The following SHTN1 variants were observed in gnomAD, a reference collection of about 807,000 sequenced individuals.
SHTN1 encodes the protein shootin 1.
In SHTN1, 42 loss-of-function variants were observed where a neutral mutation model predicts 83.1. The ratio of observed to expected loss-of-function variants is 0.51; its 90% CI spans 0.39 to 0.65. SHTN1 has a LOEUF of 0.65. Ranked by LOEUF, SHTN1 falls within the 30% of genes least tolerant of loss-of-function variation. SHTN1 has a pLI of 0.00. For missense variants in SHTN1, 622 were observed against 737.8 expected, an observed-to-expected ratio of 0.84 and a Z score of 1.82; for synonymous variants, 224 against 247.7, an observed-to-expected ratio of 0.90 and a Z score of 0.90.
At chr10:117,098,277 G>T (rs1365709297) in intron 1 of SHTN1, among the ~76,000 whole-genome samples, 2 of 148,632 alleles carry the variant, frequency 1.3e-5, no homozygotes, top group Admixed American at 1.4e-4. Flanking sequence ...GACGCCTGTT[G>T]TCCCAGCTAC....
chr10:116,971,112 G>A (rs936449058), intron 2 of SHTN1, among the ~76,000 whole-genome samples: 1 of 152,142 alleles, frequency 6.6e-6, no homozygotes, highest in Non-Finnish European at 1.5e-5. Context: ...CCACTGAAAT[G>A]TCATACTGTA....
At chr10:117,022,295 C>A (rs1852274552) in intron 2 of SHTN1, among the ~76,000 whole-genome samples, 1 of 152,202 alleles carries the variant, frequency 6.6e-6, no homozygotes, top group Non-Finnish European at 1.5e-5. Context: ...ACAGTACATG[C>A]AGTGCTAATA....
chr10:117,057,770 C>T (rs529970489), intron 1 of SHTN1, among the ~76,000 whole-genome samples: 2 of 152,266 alleles, frequency 1.3e-5, no homozygotes, highest in African/African-American at 4.8e-5. Flanking sequence ...ACAAAACAAG[C>T]ACAAACACAC....
intron 12 of SHTN1, among the ~76,000 whole-genome samples, chr10:116,921,222 T>C (rs1183674998): frequency 1.3e-5 from 2 of 152,296 alleles, no homozygotes; most frequent in East Asian, 1.9e-4. Context: ...TTTGCCAGTA[T>C]GTCTCTTATT....
chr10:117,086,590 G>A (rs2133616831), intron 1 of SHTN1, among the ~76,000 whole-genome samples: 1 of 152,018 alleles, frequency 6.6e-6, no homozygotes, highest in East Asian at 1.9e-4. Context: ...CCTTCTCTTA[G>A]CATATCATTT....
At chr10:116,926,417 C>A (rs1256778831) in intron 11 of SHTN1, among the ~76,000 whole-genome samples, 1 of 152,032 alleles carries the variant, frequency 6.6e-6, no homozygotes, top group Non-Finnish European at 1.5e-5. Context: ...ATTTAGCTAC[C>A]CAGGAGAGAA....
chr10:116,948,365 C>T (rs747801412), intron 7 of SHTN1, among the ~76,000 whole-genome samples: 1 of 152,158 alleles, frequency 6.6e-6, no homozygotes, highest in Non-Finnish European at 1.5e-5. Context: ...TTTAAATGAT[C>T]ATCAATCTCT....
At chr10:116,968,771 GGCAA>G in intron 2 of SHTN1, 59 bp from the exon 3 acceptor site, 1 of 1,373,422 alleles carries the variant, frequency 7.3e-7, no homozygotes, top group Non-Finnish European at 1.0e-6. Flanking sequence ...AGTTTGAAAA[GGCAA>G]GCAAGAGCAA....
In SHTN1 at chr10:116,968,792, AAAC is replaced by A. The variant is rs1389947814; in HGVS notation, c.112-83_112-81del. 6 of 1,035,280 alleles carry A rather than the reference AAAC, an allele frequency of 5.8e-6. 1 individual carries two copies. The East Asian group carries it at 1.2e-4, about 21-fold the overall frequency. 64.1% of individuals were successfully genotyped at this position (1,035,280 alleles called of 1,614,324 possible). A position where few individuals can be genotyped will look rare whatever the true frequency, so the allele number is the denominator to read the frequency against. On this transcript the variant is annotated intron_variant, in intron 2 of 16. Transcript: ENST00000355371. ...AAAAGGCAAGCAAGAGCAAACTTAT[AAAC>A]AACAGCAATTTTCTGAAAACAAAAC... is the stretch of plus-strand genomic sequence containing the variant.
At chr10:117,004,068 G>A (rs573079095) in intron 1 of SHTN1, among the ~76,000 whole-genome samples, 1 of 151,872 alleles carries the variant, frequency 6.6e-6, no homozygotes, top group Non-Finnish European at 1.5e-5. Context: ...TGTATTTTTA[G>A]TAGAGATAGG....
At chr10:116,981,720 T>C (rs1249610878) in intron 1 of SHTN1, among the ~76,000 whole-genome samples, 10 of 152,196 alleles carry the variant, frequency 6.6e-5, no homozygotes, top group Non-Finnish European at 8.8e-5. Context: ...CTATAATTGG[T>C]GACCTACTTT....
At chr10:116,918,112 T>C (rs2133359181) in intron 12 of SHTN1, among the ~76,000 whole-genome samples, 1 of 152,306 alleles carries the variant, frequency 6.6e-6, no homozygotes, top group South Asian at 2.1e-4. Context: ...CAAAAGCATG[T>C]AATCAAGGGG....
intron 1 of SHTN1, among the ~76,000 whole-genome samples, chr10:117,073,039 T>C (rs986693835): frequency 1.3e-4 from 20 of 152,140 alleles, no homozygotes; most frequent in African/African-American, 2.4e-4. Context: ...TCAGGACACA[T>C]TGGACACACT....
In SHTN1 at chr10:116,883,648, A is replaced by C. The variant is rs1045784458; in HGVS notation, c.*2696T>G. 1.3e-5 allele frequency: 2 copies of C among 152,558 alleles called. No individual in the cohort carries two copies. Among genetic ancestry groups the C allele is most frequent in the African/African-American group, 4.8e-5 (2 of 41,450 alleles). The allele number at this position is 152,558 out of a possible 1,614,324, so 9.5% of individuals were successfully genotyped here. A position where few individuals can be genotyped will look rare whatever the true frequency, so the allele number is the denominator to read the frequency against. ...CTGGTCTGGAAAGACAATTAAAAAT[A>C]ATTGTTACCTGTACTACTCCATTTC... On this transcript the variant is annotated 3_prime_UTR_variant, in exon 17 of 17. Transcript: ENST00000355371.
intron 16 of SHTN1, chr10:116,901,458 G>T (rs1280040510): frequency 1.0e-6 from 1 of 985,088 alleles, no homozygotes; most frequent in African/African-American, 1.7e-5. Context: ...ATTTAATCTT[G>T]AAAGACTGAT....
chr10:117,093,199 A>G (rs1853458607), intron 1 of SHTN1, among the ~76,000 whole-genome samples: 1 of 152,214 alleles, frequency 6.6e-6, no homozygotes, highest in Admixed American at 6.5e-5. Context: ...CAAGTTAGGT[A>G]GCATGCCCAG....
In SHTN1 at chr10:117,089,397, AG is replaced by A. The variant is rs1232177305; in HGVS notation, c.-189+36909del. 2.0e-5 allele frequency among the ~76,000 whole-genome samples: 3 copies of A among 152,212 alleles called. No homozygotes were observed. In the East Asian group the frequency reaches 5.8e-4, roughly 29 times the overall value. ...CAGGAACTTTGTACTCTCTTTAAAA[AG>A]TAACAAAAAATCACCATTTAACTTA... On this transcript the variant is annotated intron_variant, in intron 1 of 17. Transcript: ENST00000392901.
chr10:116,973,796 A>T, intron 2 of SHTN1: 2 of 1,067,072 alleles, frequency 1.9e-6, no homozygotes, highest in Non-Finnish European at 2.5e-6. Flanking sequence ...ATGTCCAGTT[A>T]CAACAGTTAA....
At position 116,927,802 on chromosome 10, in the gene SHTN1, T is replaced by C; in HGVS notation, c.1102A>G (p.Asn368Asp). 1 of 1,590,038 alleles carries C rather than the reference T, an allele frequency of 6.3e-7. No individual in the cohort carries two copies. The highest frequency in any genetic ancestry group is 8.6e-7 in the Non-Finnish European group (1 of 1,169,134). ...PPPPLPPPPP[N>D]PIRSLMSMIR... ...CCTGGATGTGCTTACCGGATAGGAT[T>C]GGGAGGTGGAGGGGGAAGTGGTGGT... Residue 368 changes from asparagine (N) to aspartate (D), a missense_variant, in exon 11 of 17, where the codon AAT becomes GAT. This residue lies in a region of SHTN1 where 383 missense variants were observed against 455.8 expected (regional missense o/e 0.84). Coordinates refer to ENST00000355371, the MANE Select transcript of SHTN1 (RefSeq NM_001127211.3).
Sources: allele counts gnomAD v4.1 joint callset (sites outside exome capture counted in the v4.1 genomes callset), GRCh38; gene constraint gnomAD v4.1.1; regional missense constraint gnomAD v4.1.1; transcripts MANE v1.5; gene names NCBI Gene and HGNC (gene_info 2026-07-23, HGNC 2026-07-21).